TMEM130: variants seen among roughly 807,000 people sequenced by gnomAD.
TMEM130 encodes the protein transmembrane protein 130.
TMEM130 carries 37 observed loss-of-function variants against 42.9 expected under a neutral mutation model. That is an observed-to-expected ratio of 0.86 (90% CI 0.66 to 1.13). The LOEUF is 1.13. Ranked by LOEUF, TMEM130 falls within the 50% of genes most tolerant of loss-of-function variation. TMEM130 has a pLI of 0.00. For synonymous variants in TMEM130, 259 were observed against 237.7 expected, an observed-to-expected ratio of 1.09 and a Z score of -0.82; for missense variants, 545 against 562.6, an observed-to-expected ratio of 0.97 and a Z score of 0.32.
chr7:98,865,283 G>A (rs544391779), intron 1 of TMEM130, among the ~76,000 whole-genome samples: 1 of 152,330 alleles, frequency 6.6e-6, no homozygotes, highest in African/African-American at 2.4e-5. Flanking sequence ...CCTCCCTGGA[G>A]GGACCTCACA....
intron 5 of TMEM130, 54 bp downstream of exon 5, chr7:98,855,186 G>A: frequency 6.6e-7 from 1 of 1,506,850 alleles, no homozygotes; most frequent in East Asian, 2.3e-5. Context: ...TCATCGTGAA[G>A]GGGGATGTGC....
Position 98,869,341 on chromosome 7 carries a change from G to A in TMEM130, c.85+436C>T, listed in dbSNP as rs1794975757. 2 of 1,241,944 alleles carry A rather than the reference G, an allele frequency of 1.6e-6. No individual in the cohort carries two copies. Among genetic ancestry groups the A allele is most frequent in the African/African-American group, 1.6e-5 (1 of 63,608 alleles). The allele number at this position is 1,241,944 out of a possible 1,614,324, so 76.9% of individuals were successfully genotyped here. A position where few individuals can be genotyped will look rare whatever the true frequency, so the allele number is the denominator to read the frequency against. On this transcript the variant is annotated intron_variant, in intron 1 of 7. Transcript: ENST00000339375. This position sits in a 1 kb window ranked among gnomAD's most constrained non-coding sequence, Gnocchi z 4.7. Reference sequence around the variant, plus strand: ...GGTGGGAAACCCCTCTAGATGAGGCGACATTTTAAGGCAAAAACGTTGCCC... The same window carrying A: ...GGTGGGAAACCCCTCTAGATGAGGCAACATTTTAAGGCAAAAACGTTGCCC...
Position 98,860,342 on chromosome 7 carries a change from GGAGA to G in TMEM130, c.392-8_392-5del. On this transcript the variant is annotated splice_region_variant and splice_polypyrimidine_tract_variant and intron_variant, in intron 2 of 7. Transcript: ENST00000339375. ...ACAAGGTCCCCCACGAGGAACTCTG[GGAGA>G]GAGAGAGACACGGGAGGGTGAGTCT... 6.3e-7 allele frequency: 1 copy of G among 1,581,982 alleles called. No individual in the cohort carries two copies. Among genetic ancestry groups the G allele is most frequent in the Non-Finnish European group, 8.6e-7 (1 of 1,161,544 alleles).
At chr7:98,857,283 G>A (rs567302706) in intron 3 of TMEM130, among the ~76,000 whole-genome samples, 34 of 152,252 alleles carry the variant, frequency 2.2e-4, no homozygotes, top group Non-Finnish European at 4.7e-4. Flanking sequence ...GATGGACCCT[G>A]ATAAGGAGCA....
At position 98,855,291 on chromosome 7, in the gene TMEM130, G is replaced by A. The variant is rs1554398793; in HGVS notation, c.752C>T (p.Thr251Ile). 6.2e-7 allele frequency: 1 copy of A among 1,613,526 alleles called. No individual in the cohort carries two copies. Among genetic ancestry groups the A allele is most frequent in the Non-Finnish European group, 8.5e-7 (1 of 1,179,680 alleles). Residue 251 changes from threonine (T) to isoleucine (I), a missense_variant, in exon 5 of 8, where the codon ACC becomes ATC. Transcript: ENST00000339375. The part of the protein sequence containing the change: ...TLRGIQVLGP[T>I]LIQTFQKMTV... ...CATCTTTTGGAAGGTCTGAATTAGGGTGGGCCCCAACACTTGGATGCCTCG... is the reference window on the plus strand; with the variant it reads ...CATCTTTTGGAAGGTCTGAATTAGGATGGGCCCCAACACTTGGATGCCTCG...
chr7:98,848,721 A>G, intron 6 of TMEM130, 26 bp from the exon 7 acceptor site: 1 of 1,469,376 alleles, frequency 6.8e-7, no homozygotes, highest in Non-Finnish European at 9.5e-7. Context: ...GTAACATTAC[A>G]GGACTGGGTA....
At chr7:98,864,719 T>C (rs1321526176) in intron 1 of TMEM130, among the ~76,000 whole-genome samples, 5 of 151,856 alleles carry the variant, frequency 3.3e-5, no homozygotes, top group Admixed American at 3.3e-4. Context: ...GCCAACATGG[T>C]GAAACCCTGT....
Position 98,848,219 on chromosome 7 carries a change from A to AC in TMEM130, c.1120-12_1120-11insG. ...GGGTGGCTCCGGGTTCTTGTCAGAC[A>AC]TGGGGGAAAAGTCAAAATCAGCCAC... On this transcript the variant is annotated splice_polypyrimidine_tract_variant and intron_variant, in intron 7 of 7. Transcript: ENST00000339375. 1 of 1,613,946 alleles carries AC rather than the reference A, an allele frequency of 6.2e-7. No homozygotes were observed. Among genetic ancestry groups the AC allele is most frequent in the Non-Finnish European group, 8.5e-7 (1 of 1,179,960 alleles).
chr7:98,854,507 G>T (rs376976827), intron 5 of TMEM130, among the ~76,000 whole-genome samples: 3 of 152,352 alleles, frequency 2.0e-5, no homozygotes, highest in Non-Finnish European at 4.4e-5. Context: ...GGGAGGCCAA[G>T]CTGGGAGGAT....
chr7:98,853,498 C>T (rs782440312), intron 5 of TMEM130, among the ~76,000 whole-genome samples: 2 of 152,126 alleles, frequency 1.3e-5, no homozygotes, highest in African/African-American at 2.4e-5. Flanking sequence ...CGTGGTGGCA[C>T]GCACCTGTAA....
chr7:98,855,327 G>A lies in TMEM130; in HGVS notation c.719-3C>T, dbSNP rs1554398801. 3.1e-6 allele frequency: 5 copies of A among 1,611,126 alleles called. No individual in the cohort carries two copies. The highest frequency in any genetic ancestry group is 4.2e-6 in the Non-Finnish European group (5 of 1,178,350). On this transcript the variant is annotated splice_polypyrimidine_tract_variant and splice_region_variant and intron_variant, in intron 4 of 7. Transcript: ENST00000339375. ...CACTTGGATGCCTCGAAGGGTTTCTGTAAGGCAGAGAGAACCCCGTTAGAC... is the reference window on the plus strand; with the variant it reads ...CACTTGGATGCCTCGAAGGGTTTCTATAAGGCAGAGAGAACCCCGTTAGAC...
rs782586420 is a variant in TMEM130 at position 98,863,250 on chromosome 7, A to G, written c.236T>C (p.Leu79Pro). The change falls in exon 2 of 8, where the codon CTG (leucine) becomes CCG (proline). Residue 79 changes from leucine to proline, a missense_variant. By Grantham distance (98) the Leu-to-Pro change is moderately conservative. Coordinates refer to ENST00000339375, the MANE Select transcript of TMEM130 (RefSeq NM_152913.3). The part of the protein sequence containing the change: ...LYRFHWIHTP[L>P]VLTGKMEKGL... The stretch of plus-strand genomic sequence containing the variant: ...CTTCTCCATCTTGCCAGTAAGCACC[A>G]GCGGGGTGTGGATCCAGTGGAAGCG... 6.2e-7 allele frequency: 1 copy of G among 1,614,086 alleles called. No homozygotes were observed. The highest frequency in any genetic ancestry group is 8.5e-7 in the Non-Finnish European group (1 of 1,180,032).
intron 6 of TMEM130, among the ~76,000 whole-genome samples, chr7:98,851,041 T>G (rs1209933110): frequency 6.6e-6 from 1 of 151,404 alleles, no homozygotes; most frequent in Non-Finnish European, 1.5e-5. Flanking sequence ...GCTTATAGAG[T>G]CGTTAGTGGT....
At chr7:98,852,920 G>C (rs1794544704) in intron 5 of TMEM130, among the ~76,000 whole-genome samples, 1 of 152,100 alleles carries the variant, frequency 6.6e-6, no homozygotes, top group African/African-American at 2.4e-5. Context: ...TAATGAGGTA[G>C]CCAGAGAAGG....
intron 3 of TMEM130, among the ~76,000 whole-genome samples, 162 bp from the exon 4 acceptor site, chr7:98,856,345 C>A (rs1053618320): frequency 9.2e-5 from 14 of 152,162 alleles, no homozygotes; most frequent in Non-Finnish European, 1.9e-4. Flanking sequence ...CTAGAGCCAG[C>A]CAGGGCTCCA....
At chr7:98,851,378 G>A (rs1384621389) in intron 6 of TMEM130, 43 bp downstream of exon 6, 11 of 1,589,034 alleles carry the variant, frequency 6.9e-6, no homozygotes, top group Non-Finnish European at 8.6e-6. Flanking sequence ...ACAGGCTTGT[G>A]CTGCCCATGT....
At chr7:98,866,743 C>T (rs1347021049) in intron 1 of TMEM130, 2 of 152,242 alleles carry the variant, frequency 1.3e-5, no homozygotes, top group Non-Finnish European at 2.9e-5. Context: ...CCACCTCACA[C>T]GTTCGCTGCT....
rs1794378548 is a variant in TMEM130 at position 98,847,354 on chromosome 7, C to G, written c.*702G>C. On this transcript the variant is annotated 3_prime_UTR_variant, in exon 8 of 8. Coordinates refer to ENST00000339375, the MANE Select transcript of TMEM130 (RefSeq NM_152913.3). ...GCGCAAGAACTGCAGAGACAAAGCACAAAGGGAGGGCCCGGGCCCAGAACC... is the reference window on the plus strand; with the variant it reads ...GCGCAAGAACTGCAGAGACAAAGCAGAAAGGGAGGGCCCGGGCCCAGAACC... The G allele has an allele frequency of 6.6e-6, 1 of 152,320 alleles. No individual in the cohort carries two copies. The highest frequency in any genetic ancestry group is 2.1e-4 in the South Asian group (1 of 4,832). The allele number at this position is 152,320 out of a possible 1,614,324, so 9.4% of individuals were successfully genotyped here. A position where few individuals can be genotyped will look rare whatever the true frequency, so the allele number is the denominator to read the frequency against.
At chr7:98,861,844 C>T (rs1322694656) in intron 2 of TMEM130, among the ~76,000 whole-genome samples, 2 of 152,218 alleles carry the variant, frequency 1.3e-5, no homozygotes, top group African/African-American at 4.8e-5. Context: ...ACCTCAACCA[C>T]TGTTGCCATT....
Sources: allele counts gnomAD v4.1 joint callset (sites outside exome capture counted in the v4.1 genomes callset), GRCh38; gene constraint gnomAD v4.1.1; non-coding constraint Gnocchi (gnomAD v3.1); transcripts MANE v1.5; gene names NCBI Gene and HGNC (gene_info 2026-07-23, HGNC 2026-07-21).